Variants in TIMM23 observed in about 807,000 individuals in gnomAD.
TIMM23 encodes the protein mitochondrial import inner membrane translocase subunit Tim23.
In TIMM23, 19 loss-of-function variants were observed where a neutral mutation model predicts 30.7. That is an observed-to-expected ratio of 0.62 (90% CI 0.43 to 0.91). TIMM23 has a LOEUF of 0.91. TIMM23 is among the 40% of genes least tolerant of loss of function. TIMM23 has a pLI of 0.00. For missense variants in TIMM23, 202 were observed against 269.2 expected, an observed-to-expected ratio of 0.75 and a Z score of 1.75; for synonymous variants, 78 against 98.5, an observed-to-expected ratio of 0.79 and a Z score of 1.23.
chr10:46,002,687 A>G (rs1429175492), intron 6 of TIMM23, among the ~76,000 whole-genome samples: 10 of 152,158 alleles, frequency 6.6e-5, no homozygotes, highest in Non-Finnish European at 1.2e-4. Context: ...AGGGGGAAAA[A>G]AATTATGAAT....
intron 1 of TIMM23, 63 bp downstream of exon 1, chr10:45,972,793 C>T: frequency 1.3e-6 from 2 of 1,596,256 alleles, no homozygotes; most frequent in East Asian, 2.3e-5. Flanking sequence ...CTAAGTTGCG[C>T]GTCCCATGTT....
chr10:45,990,760 A>G (rs1342896354), intron 6 of TIMM23: 18 of 402,284 alleles, frequency 4.5e-5, no homozygotes, highest in Non-Finnish European at 8.1e-5. Context: ...ATGTTTTTAA[A>G]TAATATTATT....
chr10:46,000,607 A>G (rs1838499291), intron 6 of TIMM23, among the ~76,000 whole-genome samples: 1 of 152,194 alleles, frequency 6.6e-6, no homozygotes, highest in South Asian at 2.1e-4. Context: ...GAAGCTTGTT[A>G]TTTGATGGCT....
intron 2 of TIMM23, among the ~76,000 whole-genome samples, chr10:45,977,014 G>A (rs1417714692): frequency 2.6e-5 from 4 of 151,774 alleles, no homozygotes; most frequent in Non-Finnish European, 5.9e-5. Context: ...AAAAACAGTT[G>A]ATTACCAATA....
In TIMM23 at chr10:45,979,242, T is replaced by G. The variant is rs1319025071; in HGVS notation, c.166-3281T>G. Among the ~76,000 whole-genome samples the G allele has an allele frequency of 3.3e-5, 5 of 152,226 alleles. No individual in the cohort carries two copies. The East Asian group carries it at 7.7e-4, about 23-fold the overall frequency. On this transcript the variant is annotated intron_variant, in intron 2 of 6. Transcript: ENST00000580018. Reference sequence around the variant, plus strand: ...TCTGAATATACTAAAAACCACTGAATTGTACGCTCTAAGTAAGTGGATTGT... The same window carrying G: ...TCTGAATATACTAAAAACCACTGAAGTGTACGCTCTAAGTAAGTGGATTGT...
chr10:45,989,354 C>T (rs1838089290), intron 6 of TIMM23, among the ~76,000 whole-genome samples: 2 of 152,064 alleles, frequency 1.3e-5, no homozygotes, highest in Non-Finnish European at 2.9e-5. Context: ...TGTATGTATA[C>T]CACATTTTGC....
At chr10:45,986,387 C>G (rs1168567816) in intron 5 of TIMM23, among the ~76,000 whole-genome samples, 1 of 152,118 alleles carries the variant, frequency 6.6e-6, no homozygotes, top group Non-Finnish European at 1.5e-5. Context: ...AGAGAAAAGT[C>G]CAAGAAACTA....
At position 46,003,485 on chromosome 10, in the gene TIMM23, T is replaced by C. The variant is rs1011853287; in HGVS notation, c.*167T>C. ...GATGGCTGACCAAGACTGGCACTTG[T>C]TCCAGCCATTAGTGAGTTGAAGCCA... On this transcript the variant is annotated 3_prime_UTR_variant, in exon 7 of 7. Transcript: ENST00000580018. 6 of 549,414 alleles carry C rather than the reference T, an allele frequency of 1.1e-5. No individual in the cohort carries two copies. Among genetic ancestry groups the C allele is most frequent in the Non-Finnish European group, 2.0e-5 (6 of 307,602 alleles). The allele number at this position is 549,414 out of a possible 1,614,324, so 34.0% of individuals were successfully genotyped here.
In TIMM23 at chr10:45,988,844, A is replaced by C. The variant is rs1264500847; in HGVS notation, c.511A>C (p.Thr171Pro). The change falls in exon 6 of 7, where the codon ACA becomes CCA. Residue 171 changes from threonine to proline, a missense_variant. Thr to Pro is a conservative substitution (Grantham distance 38). Coordinates refer to ENST00000580018, the MANE Select transcript of TIMM23 (RefSeq NM_006327.4). ...CATGACAGGCATGTTGTATAAATGT[A>C]CAGGTGAGTACTGTTGAATGGGGAG... is the stretch of plus-strand genomic sequence containing the variant. ...GTMTGMLYKC[T>P]GGLRGIARGG... 1 of 1,611,296 alleles carries C rather than the reference A, an allele frequency of 6.2e-7. No individual in the cohort carries two copies. The highest frequency in any genetic ancestry group is 8.5e-7 in the Non-Finnish European group (1 of 1,177,464).
intron 5 of TIMM23, among the ~76,000 whole-genome samples, chr10:45,986,803 A>ATG (rs1838002082): frequency 7.9e-5 from 8 of 100,692 alleles, no homozygotes; most frequent in South Asian, 5.0e-4. Context: ...TACTAGAAAT[A>ATG]CGTGTGTGTG....
intron 2 of TIMM23, among the ~76,000 whole-genome samples, chr10:45,977,190 G>A (rs1554913257): frequency 0.35 from 50,806 of 147,096 alleles, 9,247 homozygotes; most frequent in Admixed American, 0.48. Flanking sequence ...TTAGTGCAGT[G>A]CCTGTCAAAA....
At chr10:45,992,253 G>C in intron 6 of TIMM23, 1 of 415,354 alleles carries the variant, frequency 2.4e-6, no homozygotes, top group South Asian at 1.8e-5. Flanking sequence ...GTGAGCCACT[G>C]TGCCCAGCTG....
intron 1 of TIMM23, among the ~76,000 whole-genome samples, chr10:45,974,672 T>C (rs1837611237): frequency 6.6e-6 from 1 of 152,162 alleles, no homozygotes; most frequent in Non-Finnish European, 1.5e-5. Context: ...GTTAGGAAAT[T>C]GTTGCTGTGA....
intron 2 of TIMM23, among the ~76,000 whole-genome samples, chr10:45,980,404 T>C (rs1266186053): frequency 6.6e-6 from 1 of 152,166 alleles, no homozygotes; most frequent in East Asian, 1.9e-4. Flanking sequence ...TAGCCAACTT[T>C]TATCTGATAC....
chr10:45,998,119 A>T (rs1158429292), intron 6 of TIMM23, among the ~76,000 whole-genome samples: 1 of 152,128 alleles, frequency 6.6e-6, no homozygotes, highest in African/African-American at 2.4e-5. Context: ...TACGTTTTTT[A>T]GTTACGTTTT....
chr10:45,984,214 A>C (rs1314039940), intron 4 of TIMM23, among the ~76,000 whole-genome samples: 2 of 152,216 alleles, frequency 1.3e-5, no homozygotes, highest in African/African-American at 4.8e-5. Flanking sequence ...AGCATAGTGA[A>C]CACATGAACC....
chr10:46,002,183 TACC>T (rs1554917778), intron 6 of TIMM23, among the ~76,000 whole-genome samples: 1 of 152,016 alleles, frequency 6.6e-6, no homozygotes, highest in Non-Finnish European at 1.5e-5. Flanking sequence ...ATAGCTATCT[TACC>T]ACATTTTTTT....
At chr10:46,001,476 TG>T (rs1838534728) in intron 6 of TIMM23, among the ~76,000 whole-genome samples, 1 of 152,168 alleles carries the variant, frequency 6.6e-6, no homozygotes, top group African/African-American at 2.4e-5. Context: ...GTCTTCAGAC[TG>T]GAGAGATTCC....
chr10:45,976,238 T>C (rs1349453988), intron 2 of TIMM23, among the ~76,000 whole-genome samples: 1 of 151,462 alleles, frequency 6.6e-6, no homozygotes. Context: ...GGAAAGAATA[T>C]AGTACAAAGA....
Sources: gnomAD v4.1 joint callset for allele counts (sites outside exome capture counted in the v4.1 genomes callset) on GRCh38, gnomAD v4.1.1 for gene constraint, MANE v1.5 for transcripts, NCBI Gene and HGNC (gene_info 2026-07-23, HGNC 2026-07-21) for gene names.